Variants in EXOC4 observed in about 807,000 individuals in gnomAD.
The protein encoded by EXOC4 is SEC8-like 1.
EXOC4 carries 71 observed loss-of-function variants against 107.2 expected under a neutral mutation model. The ratio of observed to expected loss-of-function variants is 0.66; its 90% CI spans 0.55 to 0.81. The LOEUF is 0.81. Ranked by LOEUF, EXOC4 falls within the 30% of genes least tolerant of loss-of-function variation. The pLI, the probability that EXOC4 is intolerant of heterozygous loss-of-function variation, is 0.00. For missense variants in EXOC4, 1,108 were observed against 1,189.6 expected, an observed-to-expected ratio of 0.93 and a Z score of 1.01; for synonymous variants, 456 against 441.2, an observed-to-expected ratio of 1.03 and a Z score of -0.42.
chr7:133,692,429 G>C (rs1794441612), intron 10 of EXOC4, among the ~76,000 whole-genome samples: 1 of 152,114 alleles, frequency 6.6e-6, no homozygotes, highest in African/African-American at 2.4e-5. Flanking sequence ...CAGATCAATG[G>C]TGTACAACTC....
intron 2 of EXOC4, among the ~76,000 whole-genome samples, chr7:133,279,269 G>A (rs993159708): frequency 2.0e-5 from 3 of 152,062 alleles, no homozygotes; most frequent in African/African-American, 7.2e-5. Context: ...GAATAGTGCC[G>A]CAATAAACAT....
chr7:133,363,687 CCAGT>C (rs1394498936), intron 6 of EXOC4, among the ~76,000 whole-genome samples: 1 of 151,664 alleles, frequency 6.6e-6, no homozygotes, highest in East Asian at 1.9e-4. Context: ...AAAGATCTGA[CCAGT>C]CAAAGAAATA....
At chr7:133,850,906 T>C (rs80198506) in intron 11 of EXOC4, among the ~76,000 whole-genome samples, 4,004 of 152,310 alleles carry the variant, frequency 0.026, 181 homozygotes, top group African/African-American at 0.091. Flanking sequence ...AAGATGACTA[T>C]CATGTTTCCT....
chr7:133,361,729 G>A (rs1297080458), intron 6 of EXOC4, among the ~76,000 whole-genome samples: 2 of 152,076 alleles, frequency 1.3e-5, no homozygotes, highest in Admixed American at 6.5e-5. Context: ...TTATTGTAAG[G>A]TTACACTTCT....
intron 14 of EXOC4, among the ~76,000 whole-genome samples, chr7:133,983,913 G>A (rs532852665): frequency 3.3e-5 from 5 of 152,162 alleles, no homozygotes; most frequent in African/African-American, 4.8e-5. Flanking sequence ...TTTCATATCC[G>A]GCAGGAGCTG....
intron 10 of EXOC4, chr7:133,733,567 G>A (rs1795373969): frequency 6.6e-6 from 1 of 152,186 alleles, no homozygotes; most frequent in Admixed American, 6.5e-5. Flanking sequence ...GCCACTTTTT[G>A]TAAGGCACTT....
intron 5 of EXOC4, among the ~76,000 whole-genome samples, chr7:133,324,161 A>G (rs1431071917): frequency 1.3e-5 from 2 of 152,106 alleles, no homozygotes; most frequent in Non-Finnish European, 2.9e-5. Context: ...TCAAAAAATC[A>G]GCTCCTGGAT....
chr7:133,456,610 G>T (rs1313405055), intron 7 of EXOC4, among the ~76,000 whole-genome samples: 3 of 152,146 alleles, frequency 2.0e-5, no homozygotes, highest in Non-Finnish European at 4.4e-5. Flanking sequence ...CCCCTGAATG[G>T]TGTGGATAAT....
chr7:133,469,957 T>A (rs1161651848), intron 7 of EXOC4, among the ~76,000 whole-genome samples: 1 of 152,218 alleles, frequency 6.6e-6, no homozygotes, highest in African/African-American at 2.4e-5. Flanking sequence ...GATAATTAAC[T>A]GGCTAATTAG....
At chr7:133,644,700 G>A (rs558705338) in intron 10 of EXOC4, among the ~76,000 whole-genome samples, 1 of 152,122 alleles carries the variant, frequency 6.6e-6, no homozygotes, top group Non-Finnish European at 1.5e-5. Flanking sequence ...TCTGCACTTT[G>A]TTGGATCTGG....
chr7:133,492,480 C>T (rs1282428515), intron 9 of EXOC4, among the ~76,000 whole-genome samples: 2 of 152,060 alleles, frequency 1.3e-5, no homozygotes, highest in Non-Finnish European at 2.9e-5. Context: ...TAATCTAGCC[C>T]AATATAATTT....
chr7:133,331,026 G>A (rs1323944709), intron 5 of EXOC4, among the ~76,000 whole-genome samples: 1 of 151,792 alleles, frequency 6.6e-6, no homozygotes. Flanking sequence ...ACGTAGTTAG[G>A]GCAGGTACTA....
rs147759213 is a variant in EXOC4 at position 133,273,973 on chromosome 7, G to A, written c.87-1009G>A. ...AATTACCACAGCCAACAGATAAGAG[G>A]AAAAGGTTCCTTTGTTACTGATTAT... is the stretch of plus-strand genomic sequence containing the variant. On this transcript the variant is annotated intron_variant, in intron 1 of 17. Transcript: ENST00000253861. Among the ~76,000 whole-genome samples the A allele has an allele frequency of 7.0e-3, 1,065 of 152,138 alleles. 14 individuals carry two copies. Among genetic ancestry groups the A allele is most frequent in the African/African-American group, 0.024 (1,012 of 41,518 alleles).
rs147111912 is a variant in EXOC4 at position 133,864,734 on chromosome 7, A to T, written c.1735-30865A>T. 2.6e-5 allele frequency among the ~76,000 whole-genome samples: 4 copies of T among 152,290 alleles called. 1 individual carries two copies. The South Asian group carries it at 6.2e-4, about 24-fold the overall frequency. On this transcript the variant is annotated intron_variant, in intron 11 of 17. Transcript: ENST00000253861. ...ATATGTGCCAGAAAGGGAAACAAGC[A>T]TTGTCATGTGCGGTTCATCTGGATT...
At chr7:134,056,527 G>C (rs1388766315) in intron 17 of EXOC4, among the ~76,000 whole-genome samples, 2 of 152,210 alleles carry the variant, frequency 1.3e-5, no homozygotes, top group African/African-American at 4.8e-5. Flanking sequence ...AATGGGAGAA[G>C]GAGTTGAGCA....
At chr7:133,835,599 G>A (rs1033135529) in intron 11 of EXOC4, among the ~76,000 whole-genome samples, 5 of 152,130 alleles carry the variant, frequency 3.3e-5, no homozygotes, top group Non-Finnish European at 5.9e-5. Flanking sequence ...TTCCAGCTTC[G>A]CTTTCTCCCT....
chr7:133,355,610 G>T lies in EXOC4; in HGVS notation c.764-720G>T, dbSNP rs527680322. ...ATTTCTTCCATTTCAGTGCCAAATT[G>T]TTTGAAAGAATGCTGTATTCTAAAG... On this transcript the variant is annotated intron_variant, in intron 5 of 17. Coordinates refer to ENST00000253861, the MANE Select transcript of EXOC4 (RefSeq NM_021807.4). 3.3e-5 allele frequency among the ~76,000 whole-genome samples: 5 copies of T among 152,118 alleles called. No homozygotes were observed. The East Asian group carries it at 9.6e-4, about 29-fold the overall frequency.
chr7:133,624,718 G>A (rs1404941586), intron 9 of EXOC4, among the ~76,000 whole-genome samples: 2 of 151,856 alleles, frequency 1.3e-5, no homozygotes, highest in Non-Finnish European at 2.9e-5. Context: ...TCAGCCTCCC[G>A]AGTAGCTGGG....
At chr7:133,280,998 G>A (rs1049512180) in intron 2 of EXOC4, among the ~76,000 whole-genome samples, 1 of 152,134 alleles carries the variant, frequency 6.6e-6, no homozygotes, top group African/African-American at 2.4e-5. Flanking sequence ...GGAACCATGA[G>A]GTGATCTTTC....
Sources: gnomAD v4.1 joint callset for allele counts (sites outside exome capture counted in the v4.1 genomes callset) on GRCh38, gnomAD v4.1.1 for gene constraint, MANE v1.5 for transcripts, NCBI Gene and HGNC (gene_info 2026-07-23, HGNC 2026-07-21) for gene names.